Variants in ATXN1 observed in about 807,000 individuals in gnomAD.
ATXN1 encodes the protein ataxin 1.
ATXN1 carries 8 observed loss-of-function variants against 56.4 expected under a neutral mutation model. That is an observed-to-expected ratio of 0.14 (90% CI 0.08 to 0.26). ATXN1 has a LOEUF of 0.26. ATXN1 is among the 10% of genes least tolerant of loss of function. ATXN1 has a pLI of 1.00. For missense variants in ATXN1, 987 were observed against 1,106.5 expected (o/e 0.89, Z 1.53); for synonymous variants, 514 against 494.6 (o/e 1.04, Z -0.52).
intron 6 of ATXN1, among the ~76,000 whole-genome samples, chr6:16,434,829 A>G (rs553000644): frequency 1.3e-5 from 2 of 152,350 alleles, no homozygotes; most frequent in South Asian, 4.1e-4. Flanking sequence ...TTCATGATAT[A>G]ATCACATAAA....
chr6:16,597,978 T>C (rs920241416), intron 3 of ATXN1, among the ~76,000 whole-genome samples: 1 of 152,058 alleles, frequency 6.6e-6, no homozygotes, highest in Non-Finnish European at 1.5e-5. Flanking sequence ...TGAAGTAAAT[T>C]GCTAACACAG....
chr6:16,623,820 TA>T (rs907777613), intron 3 of ATXN1, among the ~76,000 whole-genome samples: 1 of 152,232 alleles, frequency 6.6e-6, no homozygotes, highest in Non-Finnish European at 1.5e-5. Context: ...GTGAATAGAC[TA>T]AAAACCATTC....
chr6:16,462,105 A>C (rs1181256930), intron 6 of ATXN1, among the ~76,000 whole-genome samples: 2 of 152,216 alleles, frequency 1.3e-5, no homozygotes, highest in Admixed American at 1.3e-4. Context: ...AAGGGAACAG[A>C]GTTGTTCCAA....
chr6:16,423,934 C>G (rs2113570075), intron 6 of ATXN1, among the ~76,000 whole-genome samples: 2 of 152,278 alleles, frequency 1.3e-5, no homozygotes, highest in East Asian at 3.9e-4. Flanking sequence ...ATTGGACTAG[C>G]CTTACGAGAA....
chr6:16,464,938 A>C (rs1760072789), intron 6 of ATXN1, among the ~76,000 whole-genome samples: 1 of 152,204 alleles, frequency 6.6e-6, no homozygotes, highest in South Asian at 2.1e-4. Flanking sequence ...AACAAATGTA[A>C]GATGCAAGAT....
intron 3 of ATXN1, among the ~76,000 whole-genome samples, chr6:16,599,435 G>A (rs942132064): frequency 3.9e-5 from 6 of 151,914 alleles, no homozygotes; most frequent in Non-Finnish European, 5.9e-5. Context: ...AGCTTAGGCC[G>A]GGCATGGTGG....
intron 7 of ATXN1, among the ~76,000 whole-genome samples, chr6:16,308,202 T>C (rs1760300458): frequency 6.6e-6 from 1 of 152,102 alleles, no homozygotes; most frequent in Non-Finnish European, 1.5e-5. Flanking sequence ...GGCAGGCGCC[T>C]ATAATCCCAG....
chr6:16,523,118 T>G (rs1255876634), intron 4 of ATXN1, among the ~76,000 whole-genome samples: 5 of 152,128 alleles, frequency 3.3e-5, no homozygotes, highest in Middle Eastern at 3.2e-3. Flanking sequence ...CCCAGGCTGG[T>G]CTTGAACTCC....
chr6:16,487,082 C>T (rs760176230), intron 5 of ATXN1, among the ~76,000 whole-genome samples: 10 of 152,166 alleles, frequency 6.6e-5, no homozygotes, highest in Non-Finnish European at 1.2e-4. Context: ...AACAGCTTCT[C>T]CTGGAACGAT....
At chr6:16,471,778 GCAA>G in intron 6 of ATXN1, among the ~76,000 whole-genome samples, 1 of 152,122 alleles carries the variant, frequency 6.6e-6, no homozygotes, top group Non-Finnish European at 1.5e-5. Flanking sequence ...GGTTGGAAGA[GCAA>G]CAACAATTTG....
intron 2 of ATXN1, among the ~76,000 whole-genome samples, chr6:16,668,376 G>A: frequency 7.2e-6 from 1 of 138,674 alleles, no homozygotes. Flanking sequence ...CCCAGTGTGT[G>A]ATGTTCCCCT....
chr6:16,439,386 A>AGGG (rs1277079678), intron 6 of ATXN1, among the ~76,000 whole-genome samples: 1 of 762 alleles, frequency 1.3e-3, no homozygotes, highest in Non-Finnish European at 2.4e-3. Context: ...GGCGGGAATA[A>AGGG]GGGTTGGGGT....
At chr6:16,332,853 G>A (rs1044835135) in intron 6 of ATXN1, among the ~76,000 whole-genome samples, 6 of 152,120 alleles carry the variant, frequency 3.9e-5, no homozygotes, top group African/African-American at 7.2e-5. Flanking sequence ...GTGGTCCTCC[G>A]ACCCGTGACA....
At chr6:16,524,756 A>G (rs568681350) in intron 4 of ATXN1, among the ~76,000 whole-genome samples, 50 of 151,464 alleles carry the variant, frequency 3.3e-4, no homozygotes, top group African/African-American at 1.2e-3. Flanking sequence ...GTGACTTAAT[A>G]ATTTGCCAGA....
At chr6:16,461,039 C>G (rs900287764) in intron 6 of ATXN1, among the ~76,000 whole-genome samples, 1 of 152,122 alleles carries the variant, frequency 6.6e-6, no homozygotes, top group Non-Finnish European at 1.5e-5. Flanking sequence ...TGCAAAAACC[C>G]AAGGAGGTGG....
intron 3 of ATXN1, among the ~76,000 whole-genome samples, chr6:16,631,077 T>C (rs1763495671): frequency 6.6e-6 from 1 of 152,226 alleles, no homozygotes; most frequent in Admixed American, 6.5e-5. Context: ...CACTCGTGTG[T>C]GCCTGGCACT....
intron 6 of ATXN1, among the ~76,000 whole-genome samples, chr6:16,482,027 C>A (rs1054564852): frequency 4.0e-5 from 6 of 149,900 alleles, no homozygotes; most frequent in South Asian, 4.2e-4. Context: ...TTTTTTTTTA[C>A]ACAAATTGTT....
rs1473520595 is a variant in ATXN1 at position 16,301,888 on chromosome 6, A to G, written c.*4441T>C. The G allele has an allele frequency of 6.5e-6, 1 of 152,782 alleles. No individual in the cohort carries two copies. The highest frequency in any genetic ancestry group is 1.5e-5 in the Non-Finnish European group (1 of 68,076). 9.5% of individuals were successfully genotyped at this position (152,782 alleles called of 1,614,324 possible). A position where few individuals can be genotyped will look rare whatever the true frequency, so the allele number is the denominator to read the frequency against. On this transcript the variant is annotated 3_prime_UTR_variant, in exon 8 of 8. Coordinates refer to ENST00000436367, the MANE Select transcript of ATXN1 (RefSeq NM_001128164.2). ...TTGGAGATTTTTCTCTCTATGAAAGAAATAGGTTTCCTTAGTAGTCACAGA... is the reference window on the plus strand; with the variant it reads ...TTGGAGATTTTTCTCTCTATGAAAGGAATAGGTTTCCTTAGTAGTCACAGA...
chr6:16,304,369 A>C lies in ATXN1; in HGVS notation c.*1960T>G, dbSNP rs1760185583. On this transcript the variant is annotated 3_prime_UTR_variant, in exon 8 of 8. Transcript: ENST00000436367. Reference sequence around the variant, plus strand: ...GATATTTCGGATCTCTGGGAATGAAAGGTTTAAAAACTATGAAATACCCTT... The same window carrying C: ...GATATTTCGGATCTCTGGGAATGAACGGTTTAAAAACTATGAAATACCCTT... The C allele has an allele frequency of 6.6e-6, 1 of 152,458 alleles. No individual in the cohort carries two copies. The allele number at this position is 152,458 out of a possible 1,614,324, so 9.4% of individuals were successfully genotyped here.
Sources: allele counts gnomAD v4.1 joint callset (sites outside exome capture counted in the v4.1 genomes callset), GRCh38; gene constraint gnomAD v4.1.1; transcripts MANE v1.5; gene names NCBI Gene and HGNC (gene_info 2026-07-23, HGNC 2026-07-21).